Variants in MYBPC1 observed in about 807,000 individuals in gnomAD.
MYBPC1 encodes the protein myosin-binding protein C, slow-type.
In MYBPC1, 52 loss-of-function variants were observed where a neutral mutation model predicts 147.1. The observed-to-expected ratio is 0.35, with a 90% CI of 0.28 to 0.45. MYBPC1 has a LOEUF of 0.45. Among genes scored for constraint, MYBPC1 ranks in the 20% least tolerant of loss-of-function variants. The pLI is 1.00. For missense variants in MYBPC1, 1,228 were observed against 1,440.3 expected (o/e 0.85, Z 2.39); for synonymous variants, 477 against 475.9 (o/e 1.00, Z -0.03).
At chr12:101,682,699 T>C in intron 30 of MYBPC1, 37 bp downstream of exon 30, 46 of 1,549,144 alleles carry the variant, frequency 3.0e-5, no homozygotes, top group Non-Finnish European at 4.0e-5. Context: ...TATTCTACTT[T>C]CCGTTCCATT....
intron 23 of MYBPC1, 141 bp from the exon 24 acceptor site, chr12:101,670,169 ACTATATATCGT>A (rs1303442482): frequency 4.1e-6 from 3 of 739,910 alleles, no homozygotes; most frequent in Non-Finnish European, 7.4e-6. Flanking sequence ...TGAACCAGTT[ACTATATATCGT>A]CTGTTAGTGG....
chr12:101,595,649 A>G (rs1352829805), intron 1 of MYBPC1, among the ~76,000 whole-genome samples: 1 of 152,102 alleles, frequency 6.6e-6, no homozygotes. Context: ...TCGTTATTAA[A>G]TTCTTGCATG....
intron 8 of MYBPC1, among the ~76,000 whole-genome samples, chr12:101,634,186 C>T (rs1890542744): frequency 6.6e-6 from 1 of 152,214 alleles, no homozygotes; most frequent in South Asian, 2.1e-4. Context: ...AGGCGTGAGC[C>T]ACCGCGCCCG....
At chr12:101,689,095 C>A (rs80284828), downstream of MYBPC1, among the ~76,000 whole-genome samples, 6,403 of 152,104 alleles carry the variant, frequency 0.042, 230 homozygotes, top group South Asian at 0.062. Flanking sequence ...AATGCAGAAG[C>A]TGGATAGTGT....
chr12:101,694,706 C>T, the MYBPC1 span, among the ~76,000 whole-genome samples: 1 of 151,640 alleles, frequency 6.6e-6, no homozygotes, highest in Admixed American at 6.6e-5. Context: ...GTTGTTTAAA[C>T]TATTCAGTCT....
the MYBPC1 span, among the ~76,000 whole-genome samples, chr12:101,695,732 A>T: frequency 6.6e-6 from 1 of 152,178 alleles, no homozygotes; most frequent in African/African-American, 2.4e-5. Flanking sequence ...GAGCAGAGAG[A>T]CAGAAAAGCC....
intron 2 of MYBPC1, among the ~76,000 whole-genome samples, chr12:101,615,146 C>A (rs1885547815): frequency 6.6e-6 from 1 of 152,166 alleles, no homozygotes; most frequent in East Asian, 1.9e-4. Context: ...GTAGGGCAGT[C>A]CCCTATGACA....
intron 10 of MYBPC1, among the ~76,000 whole-genome samples, chr12:101,640,551 A>C (rs545789292): frequency 6.6e-6 from 1 of 152,322 alleles, no homozygotes; most frequent in Admixed American, 6.5e-5. Context: ...TAAGAGGCAC[A>C]TTTTGCTAAT....
At chr12:101,674,569 G>A (rs935124005) in intron 25 of MYBPC1, among the ~76,000 whole-genome samples, 16 of 151,972 alleles carry the variant, frequency 1.1e-4, no homozygotes, top group East Asian at 7.7e-4. Context: ...TTTTTGCAAC[G>A]TCAAGAAATA....
Position 101,662,528 on chromosome 12 carries a change from A to G in MYBPC1, c.2203A>G (p.Arg735Gly). 3 of 1,614,186 alleles carry G rather than the reference A, an allele frequency of 1.9e-6. No individual in the cohort carries two copies. The highest frequency in any genetic ancestry group is 2.5e-6 in the Non-Finnish European group (3 of 1,180,002). The stretch of plus-strand genomic sequence containing the variant: ...CATCTCCAAGCCCAGTATGCCCTCC[A>G]GGCCTTTTGTTCCTTTGGGTAAGTC... ...IGISKPSMPS[R>G]PFVPLAVTSP... Residue 735 changes from arginine to glycine, a missense_variant, in exon 21 of 32, where the codon AGG becomes GGG. Coordinates refer to ENST00000361466, the MANE Select transcript of MYBPC1 (RefSeq NM_002465.4).
At chr12:101,664,475 T>A (rs898659883) in intron 22 of MYBPC1, 2 of 152,192 alleles carry the variant, frequency 1.3e-5, no homozygotes, top group African/African-American at 4.8e-5. Flanking sequence ...CACCAAACTT[T>A]AACACAGATC....
In MYBPC1 at chr12:101,673,604, A is replaced by G. The variant is rs1392740101; in HGVS notation, c.2791A>G (p.Ile931Val). The stretch of plus-strand genomic sequence containing the variant: ...GGACAAATTCGTGGAGACCGCATCA[A>G]TTGACATCCAGATCATTGGTAGGTT... ...KVDKFVETAS[I>V]DIQIIDRPGP... The change falls in exon 25 of 32, where the codon ATT (isoleucine) becomes GTT (valine). Residue 931 changes from isoleucine (I) to valine (V), a missense_variant. Ile to Val is a conservative substitution (Grantham distance 29). Transcript: ENST00000361466. The G allele has an allele frequency of 3.7e-6, 6 of 1,614,100 alleles. No individual in the cohort carries two copies. The highest frequency in any genetic ancestry group is 3.3e-5 in the South Asian group (3 of 91,094).
intron 21 of MYBPC1, 117 bp from the exon 22 acceptor site, chr12:101,663,309 T>C (rs1328765203): frequency 4.3e-6 from 4 of 924,366 alleles, no homozygotes; most frequent in Non-Finnish European, 7.1e-6. Flanking sequence ...TGAATTTCAT[T>C]AAGATGTAGG....
intron 9 of MYBPC1, 143 bp from the exon 10 acceptor site, chr12:101,636,529 T>C: frequency 1.4e-6 from 1 of 723,204 alleles, no homozygotes. Flanking sequence ...AACATGTCAC[T>C]TGTGTGAAAA....
rs761770260 is a variant in MYBPC1, at chr12:101,662,529, G to A, written c.2204G>A (p.Arg735Lys). 8.7e-6 allele frequency: 14 copies of A among 1,614,134 alleles called. No homozygotes were observed. Among genetic ancestry groups the A allele is most frequent in the Non-Finnish European group, 1.2e-5 (14 of 1,179,996 alleles). ...ATCTCCAAGCCCAGTATGCCCTCCA[G>A]GCCTTTTGTTCCTTTGGGTAAGTCA... ...IGISKPSMPS[R>K]PFVPLAVTSP... The change falls in exon 21 of 32, where the codon AGG becomes AAG. Residue 735 changes from arginine (R) to lysine (K), a missense_variant. Arg to Lys is a conservative substitution (Grantham distance 26, BLOSUM62 2). Transcript: ENST00000361466.
chr12:101,597,163 A>G (rs1034827596), intron 1 of MYBPC1, among the ~76,000 whole-genome samples: 1 of 152,160 alleles, frequency 6.6e-6, no homozygotes, highest in Non-Finnish European at 1.5e-5. Flanking sequence ...CTGTGATTTC[A>G]TTTTCACTGG....
chr12:101,608,993 G>A (rs563636894), intron 1 of MYBPC1, among the ~76,000 whole-genome samples: 275 of 152,150 alleles, frequency 1.8e-3, no homozygotes, highest in Middle Eastern at 6.8e-3. Flanking sequence ...AAGGAGAAGC[G>A]GCTTTTGTGC....
chr12:101,687,181 A>G (rs532641665), downstream of MYBPC1, among the ~76,000 whole-genome samples: 40 of 152,068 alleles, frequency 2.6e-4, no homozygotes, highest in South Asian at 6.7e-3. Flanking sequence ...CCATTAACTC[A>G]TCATTTACAT....
chr12:101,671,736 T>G (rs1898779486), intron 24 of MYBPC1, among the ~76,000 whole-genome samples: 1 of 152,088 alleles, frequency 6.6e-6, no homozygotes, highest in Admixed American at 6.6e-5. Flanking sequence ...TTCCCAGATC[T>G]GGGGGTCTGC....
Sources: gnomAD v4.1 joint callset for allele counts (sites outside exome capture counted in the v4.1 genomes callset) on GRCh38, gnomAD v4.1.1 for gene constraint, MANE v1.5 for transcripts, NCBI Gene and HGNC (gene_info 2026-07-23, HGNC 2026-07-21) for gene names.